The following GLG1 variants were observed in gnomAD, a reference collection of about 807,000 sequenced individuals.
The protein encoded by GLG1 is golgi glycoprotein 1, also known as Golgi apparatus protein 1.
A neutral mutation model predicts 160.5 loss-of-function variants in GLG1; 38 were observed. The observed-to-expected ratio is 0.24, with a 90% CI of 0.18 to 0.31. GLG1 has a LOEUF of 0.31. Among genes scored for constraint, GLG1 ranks in the 10% least tolerant of loss-of-function variants. The pLI is 1.00. For synonymous variants in GLG1, 644 were observed against 543.4 expected (o/e 1.19, Z -2.57); for missense variants, 1,373 against 1,505.2 (o/e 0.91, Z 1.45).
At chr16:74,458,988 G>GT (rs1290069848) in intron 23 of GLG1, among the ~76,000 whole-genome samples, 11 of 152,208 alleles carry the variant, frequency 7.2e-5, no homozygotes, top group African/African-American at 2.6e-4. Context: ...TAAAACAACA[G>GT]TAAGAGAAAT....
intron 1 of GLG1, among the ~76,000 whole-genome samples, chr16:74,601,277 G>C (rs1333014564): frequency 6.6e-6 from 1 of 151,974 alleles, no homozygotes; most frequent in Non-Finnish European, 1.5e-5. Flanking sequence ...AGACAGCAGA[G>C]ATCTTAGAAA....
chr16:74,560,275 G>A lies in GLG1; in HGVS notation c.439-28122C>T, dbSNP rs73610507. 9.8e-3 allele frequency among the ~76,000 whole-genome samples: 1,474 copies of A among 150,636 alleles called. 20 individuals are homozygous for A. The highest frequency in any genetic ancestry group is 0.034 in the African/African-American group (1,390 of 41,040). On this transcript the variant is annotated intron_variant, in intron 1 of 25. Coordinates refer to ENST00000422840, the MANE Select transcript of GLG1 (RefSeq NM_001145667.2). ...GCTCCCCCAGGACTCCAGAATCAAA[G>A]AAAGGGGGGATTTCCTCCTAACTGC...
intron 1 of GLG1, among the ~76,000 whole-genome samples, chr16:74,586,664 G>C (rs572474684): frequency 1.3e-5 from 2 of 151,704 alleles, no homozygotes; most frequent in South Asian, 4.2e-4. Context: ...AATAAAGTCA[G>C]AACTTTGGAT....
At chr16:74,586,300 G>C (rs1169062499) in intron 1 of GLG1, among the ~76,000 whole-genome samples, 1 of 151,970 alleles carries the variant, frequency 6.6e-6, no homozygotes, top group Admixed American at 6.6e-5. Flanking sequence ...GATATTTTTG[G>C]GTTTTTTATG....
chr16:74,535,067 C>T (rs958676073), intron 1 of GLG1, among the ~76,000 whole-genome samples: 1 of 152,158 alleles, frequency 6.6e-6, no homozygotes, highest in African/African-American at 2.4e-5. Flanking sequence ...GTGGAGCAGA[C>T]CTGAACTTAA....
At chr16:74,504,810 C>T (rs1180819359) in intron 3 of GLG1, among the ~76,000 whole-genome samples, 2 of 152,192 alleles carry the variant, frequency 1.3e-5, no homozygotes, top group Admixed American at 6.6e-5. Context: ...CAGAGTGATT[C>T]TGCATGGTGG....
rs904603311 is a variant in GLG1, at chr16:74,452,773, A to G, written c.*394T>C. 2.0e-6 allele frequency: 2 copies of G among 991,042 alleles called. No individual in the cohort carries two copies. The highest frequency in any genetic ancestry group is 3.5e-5 in the African/African-American group (2 of 57,436). 61.4% of individuals were successfully genotyped at this position (991,042 alleles called of 1,614,324 possible). ...ATTGCCCAAATCAAGCCTGGAGGAGATGCGTTACTATATACATTTTTTTCT... is the reference window on the plus strand; with the variant it reads ...ATTGCCCAAATCAAGCCTGGAGGAGGTGCGTTACTATATACATTTTTTTCT... On this transcript the variant is annotated 3_prime_UTR_variant, in exon 26 of 26. Coordinates refer to ENST00000422840, the MANE Select transcript of GLG1 (RefSeq NM_001145667.2).
intron 2 of GLG1, among the ~76,000 whole-genome samples, chr16:74,519,712 G>C (rs1294361420): frequency 1.3e-5 from 2 of 151,988 alleles, no homozygotes; most frequent in Non-Finnish European, 2.9e-5. Flanking sequence ...CCTGTCCAAA[G>C]CCCCACCCAC....
chr16:74,567,262 G>C (rs973089559), intron 1 of GLG1, among the ~76,000 whole-genome samples: 1 of 151,824 alleles, frequency 6.6e-6, no homozygotes, highest in Non-Finnish European at 1.5e-5. Flanking sequence ...TGTTTCTTTT[G>C]TTTTGTTGGT....
At chr16:74,465,618 T>C (rs2014971506) in intron 19 of GLG1, 58 bp downstream of exon 19, 2 of 1,567,002 alleles carry the variant, frequency 1.3e-6, no homozygotes, top group Non-Finnish European at 1.7e-6. Flanking sequence ...GCTGCCATTG[T>C]TTGTGCTTTG....
intron 23 of GLG1, among the ~76,000 whole-genome samples, chr16:74,458,693 A>C (rs1312769039): frequency 1.3e-5 from 2 of 152,174 alleles, no homozygotes; most frequent in African/African-American, 4.8e-5. Flanking sequence ...CAAAAACAAA[A>C]AAATACCAAT....
At chr16:74,605,814 C>A (rs1958552639) in intron 1 of GLG1, among the ~76,000 whole-genome samples, 1 of 152,036 alleles carries the variant, frequency 6.6e-6, no homozygotes, top group African/African-American at 2.4e-5. Flanking sequence ...ATTTTATATA[C>A]CTACACCTCT....
intron 2 of GLG1, among the ~76,000 whole-genome samples, chr16:74,513,198 C>A (rs1016760795): frequency 1.3e-5 from 2 of 151,904 alleles, no homozygotes; most frequent in African/African-American, 4.8e-5. Context: ...TGGAGAAGGG[C>A]AGGATTTAGG....
chr16:74,480,235 G>A lies in GLG1; in HGVS notation c.1827+6C>T. ...AGAAGAAATGAAGTCGATATTCACTGCATACCCTCCTTCCCTGTTCCTCAG... is the reference window on the plus strand; with the variant it reads ...AGAAGAAATGAAGTCGATATTCACTACATACCCTCCTTCCCTGTTCCTCAG... On this transcript the variant is annotated splice_donor_region_variant and intron_variant, in intron 11 of 25. Coordinates refer to ENST00000422840, the MANE Select transcript of GLG1 (RefSeq NM_001145667.2). 1 of 1,597,042 alleles carries A rather than the reference G, an allele frequency of 6.3e-7. No homozygotes were observed. Among genetic ancestry groups the A allele is most frequent in the Non-Finnish European group, 8.6e-7 (1 of 1,164,680 alleles).
At chr16:74,552,616 C>A in intron 1 of GLG1, 1 of 208,854 alleles carries the variant, frequency 4.8e-6, no homozygotes, top group South Asian at 7.3e-5. Flanking sequence ...AAAGGGGAAG[C>A]CAAAAGACAC....
rs749673541 is a variant in GLG1 at position 74,606,771 on chromosome 16, C to T, written c.324G>A (p.Gly108=). 1 of 1,611,580 alleles carries T rather than the reference C, an allele frequency of 6.2e-7. No homozygotes were observed. Among genetic ancestry groups the T allele is most frequent in the South Asian group, 1.1e-5 (1 of 90,894 alleles). ...ACTCTTCCTCCGCCAGCTTCCAGCCCCCACCAGCCCCCGCTCCTCCCCGCC... is the reference window on the plus strand; with the variant it reads ...ACTCTTCCTCCGCCAGCTTCCAGCCTCCACCAGCCCCCGCTCCTCCCCGCC... The part of the protein sequence containing the change: ...PARRGGAGAG[G]GWKLAEEESC... Residue 108 remains glycine (G), a synonymous_variant, in exon 1 of 26, where the codon GGG becomes GGA. Coordinates refer to ENST00000422840, the MANE Select transcript of GLG1 (RefSeq NM_001145667.2).
chr16:74,556,543 G>C (rs969995904), intron 1 of GLG1, among the ~76,000 whole-genome samples: 2 of 152,026 alleles, frequency 1.3e-5, no homozygotes, highest in Non-Finnish European at 2.9e-5. Flanking sequence ...AGTCAGCTGG[G>C]CGTGGTGGTT....
chr16:74,542,716 G>GGGAGGGAGGAAGGAAGGAC, intron 1 of GLG1, among the ~76,000 whole-genome samples: 1 of 29,784 alleles, frequency 3.4e-5, no homozygotes, highest in African/African-American at 1.3e-4. Context: ...AAGGGAAGAA[G>GGGAGGGAGGAAGGAAGGAC]GGAAGGAAGG....
chr16:74,600,990 G>A (rs1023201618), intron 1 of GLG1, among the ~76,000 whole-genome samples: 7 of 152,124 alleles, frequency 4.6e-5, no homozygotes, highest in Non-Finnish European at 8.8e-5. Context: ...AATGATAGGT[G>A]TATAATAGAA....
Sources: gnomAD v4.1 joint callset for allele counts (sites outside exome capture counted in the v4.1 genomes callset) on GRCh38, gnomAD v4.1.1 for gene constraint, MANE v1.5 for transcripts, NCBI Gene and HGNC (gene_info 2026-07-23, HGNC 2026-07-21) for gene names.